AR: variants seen among roughly 807,000 people sequenced by gnomAD.
AR encodes dihydrotestosterone receptor.
In AR, 8 loss-of-function variants were observed where a neutral mutation model predicts 53.9. The observed-to-expected ratio is 0.15, with a 90% CI of 0.09 to 0.27. The LOEUF (loss-of-function observed/expected upper bound fraction) is 0.27. Ranked by LOEUF, AR falls within the 10% of genes least tolerant of loss-of-function variation. The pLI, the probability that AR is intolerant of heterozygous loss-of-function variation, is 1.00. For synonymous variants in AR, 359 were observed against 316.4 expected (o/e 1.13, Z -1.43); for missense variants, 639 against 742.5 (o/e 0.86, Z 1.62).
intron 2 of AR, among the ~76,000 whole-genome samples, chrX:67,654,272 C>T (rs1482118600): frequency 1.8e-5 from 2 of 111,253 alleles, no homozygotes; most frequent in Admixed American, 9.6e-5. Flanking sequence ...CATAGGCATG[C>T]GTATACTTGC....
intron 2 of AR, among the ~76,000 whole-genome samples, chrX:67,644,285 C>T (rs1925941287): frequency 9.0e-6 from 1 of 111,633 alleles, no homozygotes; most frequent in African/African-American, 3.3e-5. Flanking sequence ...CTCAAAGAGA[C>T]ATTGATGAGG....
At chrX:67,673,081 A>T (rs1427922088) in intron 2 of AR, among the ~76,000 whole-genome samples, 3 of 103,685 alleles carry the variant, frequency 2.9e-5, no homozygotes, top group Non-Finnish European at 5.9e-5. Context: ...CAGGTAAGTC[A>T]TGCCACTCTC....
chrX:67,636,473 A>G (rs1335924826), intron 1 of AR, among the ~76,000 whole-genome samples: 2 of 111,985 alleles, frequency 1.8e-5, no homozygotes, highest in South Asian at 7.3e-4. Flanking sequence ...TTGAGATTCA[A>G]CTATGTGTAG....
At chrX:67,686,166 C>G (rs2147498115) in intron 3 of AR, 40 bp downstream of exon 3, 1 of 1,140,185 alleles carries the variant, frequency 8.8e-7, no homozygotes, top group Non-Finnish European at 1.2e-6. Context: ...CTTCCTCTCT[C>G]CCCCTTCTCC....
chrX:67,680,775 A>C (rs1220966129), intron 2 of AR: 2 of 330,673 alleles, frequency 6.0e-6, no homozygotes, highest in Non-Finnish European at 1.2e-5. Flanking sequence ...ACCCCAAGCC[A>C]TACTGCATGG....
chrX:67,555,685 C>T (rs1921017762), intron 1 of AR, among the ~76,000 whole-genome samples: 1 of 112,239 alleles, frequency 8.9e-6, no homozygotes, highest in Non-Finnish European at 1.9e-5. Context: ...TATTAGACAA[C>T]GTAACATTCT....
At chrX:67,572,783 C>T (rs1418558442) in intron 1 of AR, among the ~76,000 whole-genome samples, 2 of 111,350 alleles carry the variant, frequency 1.8e-5, no homozygotes, top group African/African-American at 6.5e-5. Flanking sequence ...GTGTATTTGG[C>T]TAGTTCAACC....
chrX:67,617,078 G>T (rs966251019), intron 1 of AR, among the ~76,000 whole-genome samples: 4 of 111,859 alleles, frequency 3.6e-5, no homozygotes, highest in Non-Finnish European at 7.5e-5. Flanking sequence ...AGAAGTTGTG[G>T]TGTGTAGGTA....
intron 1 of AR, among the ~76,000 whole-genome samples, chrX:67,563,889 T>G (rs1385054924): frequency 1.8e-5 from 2 of 111,319 alleles, no homozygotes; most frequent in Non-Finnish European, 1.9e-5. Context: ...TTGGGGCCCC[T>G]ACATTTAAAC....
chrX:67,724,583 C>T lies in AR; in HGVS notation c.*742C>T, dbSNP rs772697285. The stretch of plus-strand genomic sequence containing the variant: ...AGGGGGGTGGACAGAGAGGAGAGGA[C>T]AAGGAGGGCAATGGAGCATCAGTAC... On this transcript the variant is annotated 3_prime_UTR_variant, in exon 8 of 8. Transcript: ENST00000374690. 1.7e-5 allele frequency: 3 copies of T among 175,347 alleles called. No individual in the cohort carries two copies. The East Asian group carries it at 2.4e-4, about 14-fold the overall frequency. 14.5% of individuals were successfully genotyped at this position (175,347 alleles called of 1,213,427 possible). A position where few individuals can be genotyped will look rare whatever the true frequency, so the allele number is the denominator to read the frequency against.
intron 1 of AR, among the ~76,000 whole-genome samples, chrX:67,572,186 T>C (rs902405454): frequency 1.8e-5 from 2 of 112,002 alleles, no homozygotes; most frequent in African/African-American, 3.2e-5. Context: ...GATTGTCTTC[T>C]GAAGCAAACC....
At chrX:67,564,202 T>C (rs1361378274) in intron 1 of AR, among the ~76,000 whole-genome samples, 1 of 111,535 alleles carries the variant, frequency 9.0e-6, no homozygotes, top group African/African-American at 3.3e-5. Flanking sequence ...TTTGCTTGGG[T>C]ATATTTAAAG....
At position 67,658,603 on chromosome X, in the gene AR, G is replaced by A. The variant is rs1926702461; in HGVS notation, c.1768+15196G>A. 2.7e-5 allele frequency among the ~76,000 whole-genome samples: 3 copies of A among 111,665 alleles called. No homozygotes were observed. In the Admixed American group the frequency reaches 2.9e-4, roughly 11 times the overall value. ...GCCTCCTGAGTAGCTGGGACTACAA[G>A]TGCACACCACCACGCCCAGTGAGAT... On this transcript the variant is annotated intron_variant, in intron 2 of 7. Coordinates refer to ENST00000374690, the MANE Select transcript of AR (RefSeq NM_000044.6).
intron 1 of AR, among the ~76,000 whole-genome samples, chrX:67,628,123 CTT>C (rs1327315312): frequency 9.0e-6 from 1 of 111,084 alleles, no homozygotes; most frequent in African/African-American, 3.3e-5. Flanking sequence ...GATGTGGGCT[CTT>C]TTTTGGTTCC....
chrX:67,595,107 C>T (rs1159052626), intron 1 of AR, among the ~76,000 whole-genome samples: 1 of 111,401 alleles, frequency 9.0e-6, no homozygotes, highest in Non-Finnish European at 1.9e-5. Context: ...ATATGTTTTA[C>T]ATCAAAGGGT....
intron 1 of AR, among the ~76,000 whole-genome samples, chrX:67,589,356 A>G (rs1246262853): frequency 8.9e-6 from 1 of 111,900 alleles, no homozygotes; most frequent in African/African-American, 3.3e-5. Flanking sequence ...TTTGTAAGTT[A>G]CCTGTTTTCA....
chrX:67,717,697 G>A (rs2076119420), intron 5 of AR, 75 bp downstream of exon 5: 8 of 1,162,266 alleles, frequency 6.9e-6, no homozygotes, highest in Non-Finnish European at 9.4e-6. Context: ...GATGGTGATG[G>A]GGTGACAGTG....
intron 1 of AR, among the ~76,000 whole-genome samples, chrX:67,592,717 A>G (rs558916422): frequency 1.1e-4 from 12 of 109,767 alleles, no homozygotes; most frequent in South Asian, 8.0e-4. Flanking sequence ...AAGTTATGTC[A>G]ATATCTATTT....
At chrX:67,604,202 G>A (rs1298185143) in intron 1 of AR, among the ~76,000 whole-genome samples, 5 of 80,110 alleles carry the variant, frequency 6.2e-5, no homozygotes, top group East Asian at 3.5e-4. Flanking sequence ...AGAAATATGT[G>A]TGTGTGTGTG....
Sources: allele counts gnomAD v4.1 joint callset (sites outside exome capture counted in the v4.1 genomes callset), GRCh38; gene constraint gnomAD v4.1.1; transcripts MANE v1.5; gene names NCBI Gene and HGNC (gene_info 2026-07-23, HGNC 2026-07-21).